EFHC1: variants seen among roughly 807,000 people sequenced by gnomAD.
The protein encoded by EFHC1 is EF-hand domain containing 1.
EFHC1 carries 53 observed loss-of-function variants against 69.9 expected under a neutral mutation model. The observed-to-expected ratio is 0.76, with a 90% CI of 0.61 to 0.95. The LOEUF (loss-of-function observed/expected upper bound fraction) is 0.95. EFHC1 is among the 40% of genes least tolerant of loss of function. EFHC1 has a pLI of 0.00. For synonymous variants in EFHC1, 256 were observed against 278.4 expected, an observed-to-expected ratio of 0.92 and a Z score of 0.80; for missense variants, 739 against 798.7, an observed-to-expected ratio of 0.93 and a Z score of 0.90.
intron 2 of EFHC1, among the ~76,000 whole-genome samples, chr6:52,431,494 A>G (rs182145498): frequency 3.4e-4 from 51 of 152,198 alleles, no homozygotes; most frequent in Admixed American, 1.2e-3. Context: ...TTTAATTTCC[A>G]TGTATTTGCA....
intron 5 of EFHC1, among the ~76,000 whole-genome samples, chr6:52,456,204 A>G (rs1406699341): frequency 2.6e-5 from 4 of 152,230 alleles, no homozygotes; most frequent in Non-Finnish European, 5.9e-5. Flanking sequence ...TCAAATAGAA[A>G]CAACTGGATC....
chr6:52,472,220 G>C (rs1765453879), intron 7 of EFHC1, among the ~76,000 whole-genome samples: 1 of 151,978 alleles, frequency 6.6e-6, no homozygotes, highest in Non-Finnish European at 1.5e-5. Flanking sequence ...TCTGTTAAAG[G>C]TTATGTATGA....
Position 52,438,525 on chromosome 6 carries a change from T to C in EFHC1, c.507T>C (p.Asn169=), listed in dbSNP as rs1348253617. 6.2e-7 allele frequency: 1 copy of C among 1,613,934 alleles called. No individual in the cohort carries two copies. The highest frequency in any genetic ancestry group is 8.5e-7 in the Non-Finnish European group (1 of 1,179,984). ...RGDHYHWKDL[N]RGINITIYGK... is the part of the protein sequence containing the mutation. ...ACCATTACCATTGGAAAGACCTAAA[T>C]CGAGGAATAAACATCACAATTTATG... is the stretch of plus-strand genomic sequence containing the variant. Residue 169 remains asparagine, a synonymous_variant, in exon 3 of 11, where the codon AAT becomes AAC. Transcript: ENST00000371068.
chr6:52,471,072 A>G (rs1765426036), intron 7 of EFHC1, among the ~76,000 whole-genome samples: 2 of 152,268 alleles, frequency 1.3e-5, no homozygotes, highest in Admixed American at 6.5e-5. Context: ...GAAGAATCAC[A>G]GAGCAAGAAC....
intron 3 of EFHC1, among the ~76,000 whole-genome samples, chr6:52,440,240 GT>G (rs1170308985): frequency 3.9e-5 from 6 of 152,002 alleles, no homozygotes; most frequent in Admixed American, 2.0e-4. Context: ...GTATGTTTCT[GT>G]TTAAAGACAC....
intron 5 of EFHC1, among the ~76,000 whole-genome samples, chr6:52,461,240 G>A (rs936159360): frequency 3.3e-5 from 5 of 151,868 alleles, no homozygotes; most frequent in Non-Finnish European, 7.4e-5. Flanking sequence ...CCCTCCAATA[G>A]ACCCCAGTGT....
intron 3 of EFHC1, among the ~76,000 whole-genome samples, chr6:52,446,926 A>T (rs566485855): frequency 2.6e-5 from 4 of 152,284 alleles, no homozygotes; most frequent in East Asian, 1.9e-4. Flanking sequence ...CTGCCGAGAG[A>T]TCCGCTGTTG....
intron 5 of EFHC1, among the ~76,000 whole-genome samples, chr6:52,460,469 T>C (rs576669): frequency 0.063 from 9,568 of 152,254 alleles, 564 homozygotes; most frequent in African/African-American, 0.15. Flanking sequence ...TAAATACATA[T>C]GTCAAGCAAC....
intron 5 of EFHC1, among the ~76,000 whole-genome samples, chr6:52,455,142 A>G (rs1180031001): frequency 1.3e-5 from 2 of 152,096 alleles, no homozygotes; most frequent in Non-Finnish European, 2.9e-5. Flanking sequence ...GTGCAACAAA[A>G]TGGCAGCAAA....
chr6:52,474,240 C>T (rs1186625969), intron 7 of EFHC1, among the ~76,000 whole-genome samples: 1 of 152,182 alleles, frequency 6.6e-6, no homozygotes, highest in Non-Finnish European at 1.5e-5. Flanking sequence ...CACTTGAACC[C>T]AGGAGTTCGA....
chr6:52,452,307 T>C (rs1169469169), intron 3 of EFHC1, among the ~76,000 whole-genome samples: 1 of 152,194 alleles, frequency 6.6e-6, no homozygotes, highest in Non-Finnish European at 1.5e-5. Flanking sequence ...TTTTCTTTCT[T>C]TTTTTCTTTA....
intron 3 of EFHC1, among the ~76,000 whole-genome samples, chr6:52,447,497 G>A (rs1459385831): frequency 4.6e-5 from 7 of 152,074 alleles, no homozygotes; most frequent in African/African-American, 1.2e-4. Context: ...GCTTCTTTGC[G>A]ATGGGTTCGA....
In EFHC1 at chr6:52,469,350, C is replaced by A. The variant is rs115913738; in HGVS notation, c.1155C>A (p.Asn385Lys). Reference protein sequence around the residue: ...PPVKQELPPYNGFGLVEDSAQ... With the variant: ...PPVKQELPPYKGFGLVEDSAQ... ...ATCTCCAGGAGTTGCCTCCTTATAA[C>A]GGTTTTGGACTAGTGGAAGATTCTG... Residue 385 changes from asparagine (N) to lysine (K), a missense_variant, in exon 7 of 11, where the codon AAC (asparagine) becomes AAA (lysine). Asn to Lys is a moderately conservative substitution (Grantham distance 94). Coordinates refer to ENST00000371068, the MANE Select transcript of EFHC1 (RefSeq NM_018100.4). 4 of 1,613,950 alleles carry A rather than the reference C, an allele frequency of 2.5e-6. No homozygotes were observed. The highest frequency in any genetic ancestry group is 3.4e-6 in the Non-Finnish European group (4 of 1,179,908).
At chr6:52,484,849 T>C (rs1346373066) in intron 9 of EFHC1, among the ~76,000 whole-genome samples, 1 of 152,118 alleles carries the variant, frequency 6.6e-6, no homozygotes, top group Non-Finnish European at 1.5e-5. Flanking sequence ...GAGGGAGATG[T>C]TGGAGGTTTC....
At chr6:52,453,707 A>G (rs1764971473) in intron 4 of EFHC1, 1 of 1,251,314 alleles carries the variant, frequency 8.0e-7, no homozygotes, top group African/African-American at 1.6e-5. Flanking sequence ...TTAATAAATA[A>G]AAATTTTTTC....
At chr6:52,462,114 C>A (rs1019760567) in intron 5 of EFHC1, among the ~76,000 whole-genome samples, 1 of 151,382 alleles carries the variant, frequency 6.6e-6, no homozygotes, top group Admixed American at 6.6e-5. Context: ...TTACCCAACA[C>A]CCAATTTTCA....
chr6:52,462,002 GCCATTAAAACA>G (rs1324329690), intron 5 of EFHC1, among the ~76,000 whole-genome samples: 1 of 151,928 alleles, frequency 6.6e-6, no homozygotes, highest in Non-Finnish European at 1.5e-5. Flanking sequence ...AATAGTGGGA[GCCATTAAAACA>G]TTTCTTTCAA....
intron 9 of EFHC1, chr6:52,481,462 G>A (rs1044842314): frequency 6.6e-6 from 1 of 152,030 alleles, no homozygotes; most frequent in African/African-American, 2.4e-5. Flanking sequence ...AAATGTGGGT[G>A]TTGTTGGCAT....
At chr6:52,451,040 T>C (rs1764906544) in intron 3 of EFHC1, among the ~76,000 whole-genome samples, 1 of 152,166 alleles carries the variant, frequency 6.6e-6, no homozygotes, top group South Asian at 2.1e-4. Context: ...CCTCAAGTGA[T>C]CCACCCACCT....
Sources: gnomAD v4.1 joint callset for allele counts (sites outside exome capture counted in the v4.1 genomes callset) on GRCh38, gnomAD v4.1.1 for gene constraint, MANE v1.5 for transcripts, NCBI Gene and HGNC (gene_info 2026-07-23, HGNC 2026-07-21) for gene names.